The following GULP1 variants were observed in gnomAD, a reference collection of about 807,000 sequenced individuals.
GULP1 encodes PTB domain-containing engulfment adapter protein 1.
GULP1 carries 19 observed loss-of-function variants against 40.9 expected under a neutral mutation model. The observed-to-expected ratio is 0.46, with a 90% CI of 0.32 to 0.68. GULP1 has a LOEUF of 0.68. GULP1 is among the 30% of genes least tolerant of loss of function. The pLI, the probability that GULP1 is intolerant of heterozygous loss-of-function variation, is 0.03. For synonymous variants in GULP1, 119 were observed against 117.6 expected (o/e 1.01, Z -0.08); for missense variants, 312 against 362.2 (o/e 0.86, Z 1.12).
intron 2 of GULP1, among the ~76,000 whole-genome samples, chr2:188,421,422 T>C (rs2055394422): frequency 6.6e-6 from 1 of 152,106 alleles, no homozygotes; most frequent in African/African-American, 2.4e-5. Context: ...AAAACAAAGG[T>C]AAAATATATA....
At chr2:188,569,391 G>T (rs1007944402) in intron 8 of GULP1, 36 bp downstream of exon 8, 11 of 1,048,506 alleles carry the variant, frequency 1.0e-5, no homozygotes, top group Non-Finnish European at 1.7e-5. Flanking sequence ...ACATTTGTGT[G>T]ATGTAAGTAC....
chr2:188,298,988 G>A (rs571509465), intron 1 of GULP1, among the ~76,000 whole-genome samples: 3 of 152,282 alleles, frequency 2.0e-5, no homozygotes, highest in Admixed American at 6.5e-5. Context: ...TACTATTAAT[G>A]CAGCTAGTCC....
At chr2:188,334,352 G>C (rs1196930921) in intron 1 of GULP1, among the ~76,000 whole-genome samples, 2 of 152,158 alleles carry the variant, frequency 1.3e-5, no homozygotes, top group African/African-American at 4.8e-5. Flanking sequence ...AGGAAATGGA[G>C]AGCCTACTGG....
At chr2:188,558,160 G>A (rs937379257) in intron 7 of GULP1, among the ~76,000 whole-genome samples, 1 of 152,130 alleles carries the variant, frequency 6.6e-6, no homozygotes, top group Non-Finnish European at 1.5e-5. Context: ...CACATGGCCA[G>A]TGATACGGTT....
intron 2 of GULP1, among the ~76,000 whole-genome samples, chr2:188,431,627 A>G (rs989523163): frequency 6.6e-6 from 1 of 152,136 alleles, no homozygotes; most frequent in Non-Finnish European, 1.5e-5. Context: ...AAGTCTCTTA[A>G]TTATAGCAAA....
chr2:188,306,992 C>T (rs144309896), intron 1 of GULP1, among the ~76,000 whole-genome samples: 10 of 152,148 alleles, frequency 6.6e-5, no homozygotes, highest in Non-Finnish European at 1.2e-4. Flanking sequence ...AGGAGAATGG[C>T]GTAAATCTGG....
At chr2:188,366,845 G>A (rs895362917) in intron 1 of GULP1, among the ~76,000 whole-genome samples, 14 of 152,114 alleles carry the variant, frequency 9.2e-5, no homozygotes, top group South Asian at 4.2e-4. Flanking sequence ...CTCCCGACTC[G>A]GCCTCCCGAA....
At chr2:188,302,776 T>A (rs1559087705) in intron 1 of GULP1, among the ~76,000 whole-genome samples, 1 of 152,142 alleles carries the variant, frequency 6.6e-6, no homozygotes, top group East Asian at 1.9e-4. Flanking sequence ...TCTTTGGCCA[T>A]CCTCAATATT....
intron 1 of GULP1, among the ~76,000 whole-genome samples, chr2:188,371,938 T>C (rs1266669609): frequency 1.3e-5 from 2 of 152,138 alleles, no homozygotes; most frequent in African/African-American, 4.8e-5. Context: ...TATTATATAC[T>C]ACTGAACGAG....
chr2:188,309,706 A>AT (rs1425491332), intron 1 of GULP1, among the ~76,000 whole-genome samples: 1 of 152,202 alleles, frequency 6.6e-6, no homozygotes, highest in Non-Finnish European at 1.5e-5. Flanking sequence ...AACTGTGATA[A>AT]TTGAAATTTA....
At chr2:188,377,058 G>C (rs2048382062) in intron 1 of GULP1, among the ~76,000 whole-genome samples, 1 of 152,062 alleles carries the variant, frequency 6.6e-6, no homozygotes, top group South Asian at 2.1e-4. Context: ...TGTAGTCCCA[G>C]CTACTTGGGA....
At chr2:188,522,213 T>A (rs925103171) in intron 4 of GULP1, among the ~76,000 whole-genome samples, 4 of 152,094 alleles carry the variant, frequency 2.6e-5, no homozygotes, top group Non-Finnish European at 5.9e-5. Context: ...TTCTACATGT[T>A]AGATGAGTCT....
chr2:188,424,601 T>C (rs1433830592), intron 2 of GULP1, among the ~76,000 whole-genome samples: 1 of 151,986 alleles, frequency 6.6e-6, no homozygotes, highest in Non-Finnish European at 1.5e-5. Context: ...TTTAATGTCA[T>C]CAATAGCTAC....
chr2:188,301,306 G>A (rs952361875), intron 1 of GULP1, among the ~76,000 whole-genome samples: 1 of 152,174 alleles, frequency 6.6e-6, no homozygotes. Context: ...TTACAGGTGT[G>A]AGCACTGTAC....
chr2:188,458,255 T>A (rs976097336), intron 2 of GULP1, among the ~76,000 whole-genome samples: 2 of 152,218 alleles, frequency 1.3e-5, no homozygotes, highest in Non-Finnish European at 2.9e-5. Flanking sequence ...TCTTCTTGCA[T>A]TTATGCTCTC....
intron 1 of GULP1, among the ~76,000 whole-genome samples, chr2:188,378,423 G>C (rs948651068): frequency 1.3e-5 from 2 of 152,140 alleles, no homozygotes; most frequent in Non-Finnish European, 2.9e-5. Flanking sequence ...GGTGACAAAA[G>C]GTAGGAAATG....
chr2:188,541,519 C>T (rs548559674), intron 7 of GULP1: 1 of 637,204 alleles, frequency 1.6e-6, no homozygotes, highest in African/African-American at 1.8e-5. Context: ...ACTAAATTCT[C>T]ATGGTCATGA....
At chr2:188,454,421 A>G (rs2059088492) in intron 2 of GULP1, among the ~76,000 whole-genome samples, 2 of 152,202 alleles carry the variant, frequency 1.3e-5, no homozygotes, top group African/African-American at 4.8e-5. Context: ...TAAAAAACTA[A>G]TTAGGGAAGG....
chr2:188,500,787 C>T (rs2063355181), intron 4 of GULP1, among the ~76,000 whole-genome samples: 1 of 151,890 alleles, frequency 6.6e-6, no homozygotes, highest in Non-Finnish European at 1.5e-5. Context: ...GCTCTTGATA[C>T]TCCCTCAATG....
Sources: allele counts gnomAD v4.1 joint callset (sites outside exome capture counted in the v4.1 genomes callset), GRCh38; gene constraint gnomAD v4.1.1; transcripts MANE v1.5; gene names NCBI Gene and HGNC (gene_info 2026-07-23, HGNC 2026-07-21).